FAIM: variants seen among roughly 807,000 people sequenced by gnomAD.
FAIM encodes the protein Fas apoptotic inhibitory molecule.
In FAIM, 14 loss-of-function variants were observed where a neutral mutation model predicts 21.2. That is an observed-to-expected ratio of 0.66 (90% CI 0.44 to 1.03). FAIM has a LOEUF of 1.03. Among genes scored for constraint, FAIM ranks in the 50% least tolerant of loss-of-function variants. The pLI, the probability that FAIM is intolerant of heterozygous loss-of-function variation, is 0.00. For missense variants in FAIM, 222 were observed against 247.1 expected, an observed-to-expected ratio of 0.90 and a Z score of 0.68; for synonymous variants, 86 against 80.4, an observed-to-expected ratio of 1.07 and a Z score of -0.37.
At chr3:138,609,336 T>G (rs1461740698) in intron 1 of FAIM, among the ~76,000 whole-genome samples, 2 of 151,876 alleles carry the variant, frequency 1.3e-5, no homozygotes, top group Non-Finnish European at 2.9e-5. Context: ...TCCTCCGGCC[T>G]GTTCGCGACC....
At chr3:138,619,298 A>T (rs921558972) in intron 1 of FAIM, among the ~76,000 whole-genome samples, 15 of 152,202 alleles carry the variant, frequency 9.9e-5, no homozygotes, top group Non-Finnish European at 2.2e-4. Flanking sequence ...CATTGTGTTT[A>T]TCCTGGAGTT....
intron 4 of FAIM, among the ~76,000 whole-genome samples, chr3:138,628,072 G>T (rs2042958948): frequency 6.6e-6 from 1 of 152,152 alleles, no homozygotes; most frequent in Admixed American, 6.5e-5. Context: ...TTTGCAAGGG[G>T]CTCTGGGGAC....
chr3:138,614,554 A>G (rs1414316700), intron 1 of FAIM, among the ~76,000 whole-genome samples: 2 of 152,248 alleles, frequency 1.3e-5, no homozygotes, highest in East Asian at 1.9e-4. Context: ...GACATTTATC[A>G]TAAGAAAACT....
At chr3:138,623,602 C>G (rs2042910297) in intron 4 of FAIM, among the ~76,000 whole-genome samples, 1 of 152,210 alleles carries the variant, frequency 6.6e-6, no homozygotes, top group Non-Finnish European at 1.5e-5. Flanking sequence ...CTCCTGGGCT[C>G]AAGTGATCCT....
At chr3:138,619,881 C>T in intron 2 of FAIM, 111 bp downstream of exon 2, 2 of 1,064,726 alleles carry the variant, frequency 1.9e-6, no homozygotes, top group East Asian at 5.2e-5. Context: ...TGTAAAATTG[C>T]AGAATACATG....
chr3:138,609,584 T>C (rs1383094873), intron 1 of FAIM, among the ~76,000 whole-genome samples: 100 of 24,754 alleles, frequency 4.0e-3, no homozygotes, highest in East Asian at 0.019. Flanking sequence ...CTCGACTCTC[T>C]CTCTCTCGAC....
rs983857003 is a variant in FAIM, at chr3:138,623,626, C to A, written c.406+1210C>A. Among the ~76,000 whole-genome samples the A allele has an allele frequency of 2.0e-5, 3 of 152,214 alleles. No homozygotes were observed. The South Asian group carries it at 6.2e-4, about 32-fold the overall frequency. ...TCAAGTGATCCTCCTGCCTCAGCCT[C>A]CAAAAGTGCTGGGATTACAGGTGTG... On this transcript the variant is annotated intron_variant, in intron 4 of 5. Coordinates refer to ENST00000360570, the MANE Select transcript of FAIM (RefSeq NM_001033031.2).
intron 1 of FAIM, among the ~76,000 whole-genome samples, chr3:138,617,532 T>C (rs936262607): frequency 1.4e-5 from 2 of 146,976 alleles, no homozygotes; most frequent in African/African-American, 4.9e-5. Context: ...TATATCTCTC[T>C]CTATCTACCT....
intron 4 of FAIM, among the ~76,000 whole-genome samples, chr3:138,627,213 A>G (rs1313814637): frequency 7.0e-6 from 1 of 142,930 alleles, no homozygotes; most frequent in Non-Finnish European, 1.5e-5. Context: ...ACAGGATCTC[A>G]CTCTGTCGCC....
At chr3:138,623,690 A>G (rs1229955286) in intron 4 of FAIM, among the ~76,000 whole-genome samples, 1 of 152,068 alleles carries the variant, frequency 6.6e-6, no homozygotes, top group Non-Finnish European at 1.5e-5. Context: ...CTTAACAACA[A>G]TATTCTTGGA....
chr3:138,622,321 A>G lies in FAIM; in HGVS notation c.311A>G (p.Asn104Ser). The G allele has an allele frequency of 6.2e-7, 1 of 1,614,038 alleles. No homozygotes were observed. The highest frequency in any genetic ancestry group is 8.5e-7 in the Non-Finnish European group (1 of 1,179,978). The stretch of plus-strand genomic sequence containing the variant: ...GCTTATGAATATACTCTGGAAATTA[A>G]TGGGAAAAGTCTCAAGAAGTATATG... ...GFAYEYTLEI[N>S]GKSLKKYMED... Residue 104 changes from asparagine to serine, a missense_variant, in exon 4 of 6, where the codon AAT becomes AGT. By Grantham distance (46) the Asn-to-Ser change is conservative. Transcript: ENST00000360570.
At chr3:138,629,076 A>G in intron 4 of FAIM, 31 bp from the exon 5 acceptor site, 1 of 1,527,886 alleles carries the variant, frequency 6.5e-7, no homozygotes, top group Non-Finnish European at 9.0e-7. Context: ...TCACAGAATT[A>G]TAACTTAAAG....
chr3:138,611,770 C>T (rs774628017), intron 1 of FAIM, among the ~76,000 whole-genome samples: 2 of 152,214 alleles, frequency 1.3e-5, no homozygotes, highest in African/African-American at 2.4e-5. Flanking sequence ...GTCTCTCCTG[C>T]TTTCTCTCTG....
intron 4 of FAIM, among the ~76,000 whole-genome samples, chr3:138,625,202 C>A (rs556985050): frequency 6.6e-6 from 1 of 152,104 alleles, no homozygotes; most frequent in Non-Finnish European, 1.5e-5. Flanking sequence ...GTAGCTCACA[C>A]CTGTAATCCC....
rs376316417 is a variant in FAIM at position 138,614,588 on chromosome 3, C to A, written c.-16-5123C>A. ...CTTTTGTTGTGAAGGTACATCTCCCCTTGAGAAAACAAATAGAGCATAGCT... is the reference window on the plus strand; with the variant it reads ...CTTTTGTTGTGAAGGTACATCTCCCATTGAGAAAACAAATAGAGCATAGCT... On this transcript the variant is annotated intron_variant, in intron 1 of 5. Coordinates refer to ENST00000360570, the MANE Select transcript of FAIM (RefSeq NM_001033031.2). 9.2e-5 allele frequency among the ~76,000 whole-genome samples: 14 copies of A among 152,240 alleles called. No homozygotes were observed. The East Asian group carries it at 2.1e-3, about 23-fold the overall frequency.
chr3:138,631,349 A>C (rs1191598879), intron 5 of FAIM, among the ~76,000 whole-genome samples: 1 of 152,098 alleles, frequency 6.6e-6, no homozygotes, highest in African/African-American at 2.4e-5. Flanking sequence ...CAGGAGTTCA[A>C]GGCTGCAATG....
intron 1 of FAIM, among the ~76,000 whole-genome samples, chr3:138,613,954 A>T (rs1225320628): frequency 6.6e-6 from 1 of 152,216 alleles, no homozygotes; most frequent in African/African-American, 2.4e-5. Context: ...CATTGAGATA[A>T]CTTTTGTATA....
intron 3 of FAIM, 29 bp from the exon 4 acceptor site, chr3:138,622,159 G>T: frequency 6.6e-7 from 1 of 1,512,854 alleles, no homozygotes; most frequent in Non-Finnish European, 9.0e-7. Context: ...TCTTCCATTT[G>T]TTTCATATTT....
At position 138,618,009 on chromosome 3, in the gene FAIM, C is replaced by G. The variant is rs368921936; in HGVS notation, c.-16-1702C>G. ...ACCTGTTTTGAGACAGGGTCTCACT[C>G]TGTCATCCAGGCTGGAGTGCGGTGG... On this transcript the variant is annotated intron_variant, in intron 1 of 5. Transcript: ENST00000360570. Among the ~76,000 whole-genome samples the G allele has an allele frequency of 2.7e-5, 4 of 149,822 alleles. 1 individual carries two copies. Among genetic ancestry groups the G allele is most frequent in the East Asian group, 1.9e-4 (1 of 5,144 alleles).
Sources: allele counts gnomAD v4.1 joint callset (sites outside exome capture counted in the v4.1 genomes callset), GRCh38; gene constraint gnomAD v4.1.1; transcripts MANE v1.5; gene names NCBI Gene and HGNC (gene_info 2026-07-23, HGNC 2026-07-21).